ADGRL1: variants seen among roughly 807,000 people sequenced by gnomAD.
ADGRL1 encodes the protein adhesion G protein-coupled receptor L1, also known as CIRL-1.
A neutral mutation model predicts 148.9 loss-of-function variants in ADGRL1; 31 were observed. The ratio of observed to expected loss-of-function variants is 0.21; its 90% confidence interval spans 0.16 to 0.28. The LOEUF is 0.28. ADGRL1 is among the 10% of genes least tolerant of loss of function. ADGRL1 has a pLI of 1.00. For synonymous variants in ADGRL1, 937 were observed against 900.3 expected (o/e 1.04, Z -0.73); for missense variants, 1,521 against 2,058.8 (o/e 0.74, Z 5.05).
chr19:14,178,791 C>T (rs1201041847), intron 2 of ADGRL1, among the ~76,000 whole-genome samples: 2 of 152,104 alleles, frequency 1.3e-5, no homozygotes, highest in East Asian at 3.9e-4. Context: ...GGATTATGGG[C>T]CTGAGTCCTC....
chr19:14,160,560 A>G lies in ADGRL1; in HGVS notation c.1614+33T>C, dbSNP rs199589318. Reference sequence around the variant, plus strand: ...GGCCCTGGGCCCTGGGCCCGAGCACATGTGCCTGCCTGCGAGGGGTGGTGG... The same window carrying G: ...GGCCCTGGGCCCTGGGCCCGAGCACGTGTGCCTGCCTGCGAGGGGTGGTGG... On this transcript the variant is annotated intron_variant, in intron 7 of 22. Coordinates refer to ENST00000361434, the MANE Select transcript of ADGRL1 (RefSeq NM_014921.5). This position sits in a 1 kb window ranked among gnomAD's most constrained non-coding sequence, Gnocchi z 5.9. 1.4e-4 allele frequency: 214 copies of G among 1,494,886 alleles called. No individual in the cohort carries two copies. Among genetic ancestry groups the G allele is most frequent in the Non-Finnish European group, 1.9e-4 (212 of 1,095,776 alleles). 92.6% of individuals were successfully genotyped at this position (1,494,886 alleles called of 1,614,324 possible).
Position 14,161,260 on chromosome 19 carries a change from C to G in ADGRL1, c.1510+52G>C. ...CACCCACACATGCATCTGTGCTAAG[C>G]TGCTGGGGGCATGGCCCCCATCCCT... On this transcript the variant is annotated intron_variant, in intron 6 of 22. Coordinates refer to ENST00000361434, the MANE Select transcript of ADGRL1 (RefSeq NM_014921.5). The surrounding 1 kb of genome is among the most constrained non-coding windows in gnomAD (Gnocchi z 4.4). 4.7e-6 allele frequency: 7 copies of G among 1,479,584 alleles called. No homozygotes were observed. Among genetic ancestry groups the G allele is most frequent in the Admixed American group, 2.3e-5 (1 of 43,058 alleles). The allele number at this position is 1,479,584 out of a possible 1,614,324, so 91.7% of individuals were successfully genotyped here.
intron 1 of ADGRL1, among the ~76,000 whole-genome samples, chr19:14,184,414 GT>G (rs530112010): frequency 4.0e-5 from 6 of 148,220 alleles, no homozygotes; most frequent in Non-Finnish European, 6.0e-5. Flanking sequence ...CAGCGGCTCA[GT>G]TTTTTTTTTC....
chr19:14,202,769 GCA>G (rs564681250), intron 1 of ADGRL1, among the ~76,000 whole-genome samples: 155 of 152,236 alleles, frequency 1.0e-3, no homozygotes, highest in Non-Finnish European at 1.7e-3. Context: ...CCCCATGTGT[GCA>G]CACAGACAGC....
At chr19:14,193,998 T>C (rs977318884) in intron 1 of ADGRL1, among the ~76,000 whole-genome samples, 69 of 152,168 alleles carry the variant, frequency 4.5e-4, no homozygotes, top group Non-Finnish European at 4.6e-4. Context: ...TCCCAGCACT[T>C]TGGGAGGCCA....
intron 1 of ADGRL1, among the ~76,000 whole-genome samples, chr19:14,192,076 C>T (rs1447661772): frequency 6.6e-6 from 1 of 152,122 alleles, no homozygotes; most frequent in African/African-American, 2.4e-5. Flanking sequence ...TTAACTACCT[C>T]CCTCAAGGGC....
chr19:14,174,534 C>CT lies in ADGRL1; in HGVS notation c.284+2996_284+2997insA, dbSNP rs1445557543. 7.4e-4 allele frequency among the ~76,000 whole-genome samples: 106 copies of CT among 142,630 alleles called. 3 individuals are homozygous for CT. Among genetic ancestry groups the CT allele is most frequent in the Admixed American group, 1.6e-3 (22 of 13,780 alleles). The allele number at this position is 142,630 out of a possible 152,430, so 93.6% of individuals were successfully genotyped here. On this transcript the variant is annotated intron_variant, in intron 3 of 22. Transcript: ENST00000361434. ...GACCCGCTCCTCCCCTGGTAACACA[C>CT]ATTTTTTTTTTTTTTTTTTGAGACA...
chr19:14,154,760 G>A (rs184054661), intron 18 of ADGRL1, among the ~76,000 whole-genome samples: 1,730 of 151,804 alleles, frequency 0.011, 30 homozygotes, highest in African/African-American at 0.032. Flanking sequence ...GACTACAGGC[G>A]CCCACCACCA....
intron 1 of ADGRL1, among the ~76,000 whole-genome samples, chr19:14,197,458 C>T (rs62122141): frequency 0.17 from 26,130 of 151,834 alleles, 2,713 homozygotes; most frequent in East Asian, 0.4. Flanking sequence ...AATGGAAATC[C>T]AATTACACCC....
chr19:14,153,582 ATT>A lies in ADGRL1; in HGVS notation c.3295-672_3295-671del, dbSNP rs34163270. On this transcript the variant is annotated intron_variant, in intron 18 of 22. Coordinates refer to ENST00000361434, the MANE Select transcript of ADGRL1 (RefSeq NM_014921.5). Reference sequence around the variant, plus strand: ...AGGCGCACACCACCACACCTGGCTAATTTTTTTTTTTTTTTTTGTATTTTTAG... The same window carrying A: ...AGGCGCACACCACCACACCTGGCTAATTTTTTTTTTTTTTTGTATTTTTAG... Among the ~76,000 whole-genome samples the A allele has an allele frequency of 1.5e-3, 187 of 128,378 alleles. 1 individual carries two copies. Among genetic ancestry groups the A allele is most frequent in the African/African-American group, 3.1e-3 (104 of 33,084 alleles). The allele number at this position is 128,378 out of a possible 152,430, so 84.2% of individuals were successfully genotyped here.
In ADGRL1 at chr19:14,163,354, G is replaced by C; in HGVS notation, c.447C>G (p.His149Gln). The change falls in exon 5 of 23, where the codon CAC becomes CAG. Residue 149 changes from histidine to glutamine, a missense_variant. This residue lies in a region of ADGRL1 where 334 missense variants were observed against 512.5 expected (regional missense o/e 0.65). Coordinates refer to ENST00000361434, the MANE Select transcript of ADGRL1 (RefSeq NM_014921.5). ...ATGCGCCAGACTGGTGCTCTGACTC[G>C]TGTGTCGAGGTGGGCTCCAGCACCT... ...LQKVLEPTST[H>Q]ESEHQSGAWC... is the part of the protein sequence containing the mutation. 1 of 1,600,274 alleles carries C rather than the reference G, an allele frequency of 6.2e-7. No individual in the cohort carries two copies. Among genetic ancestry groups the C allele is most frequent in the South Asian group, 1.1e-5 (1 of 89,896 alleles).
At position 14,163,000 on chromosome 19, in the gene ADGRL1, C is replaced by T; in HGVS notation, c.801G>A (p.Val267=). Residue 267 remains valine (V), a synonymous_variant, in exon 5 of 23, where the codon GTG becomes GTA. Transcript: ENST00000361434. The surrounding 1 kb of genome is among the most constrained non-coding windows in gnomAD (Gnocchi z 5.4). ...WGGKTDIDLA[V]DENGLWVIYA... ...AGATGACCCACAGCCCGTTCTCGTCCACCGCCAGGTCAATGTCGGTCTTTC... is the reference window on the plus strand; with the variant it reads ...AGATGACCCACAGCCCGTTCTCGTCTACCGCCAGGTCAATGTCGGTCTTTC... The T allele has an allele frequency of 6.2e-7, 1 of 1,614,066 alleles. No homozygotes were observed. The highest frequency in any genetic ancestry group is 8.5e-7 in the Non-Finnish European group (1 of 1,180,018).
chr19:14,152,258 G>A lies in ADGRL1; in HGVS notation c.3649+51C>T, dbSNP rs1568564229. 3 of 1,611,596 alleles carry A rather than the reference G, an allele frequency of 1.9e-6. No individual in the cohort carries two copies. Among genetic ancestry groups the A allele is most frequent in the Non-Finnish European group, 1.7e-6 (2 of 1,178,262 alleles). On this transcript the variant is annotated intron_variant, in intron 21 of 22. Coordinates refer to ENST00000361434, the MANE Select transcript of ADGRL1 (RefSeq NM_014921.5). The surrounding 1 kb of genome is among the most constrained non-coding windows in gnomAD (Gnocchi z 6.1). ...GAACATCCCATGCAGAGGTCCCTTG[G>A]GACACAAACCCTCCATTTCCCAACC...
At chr19:14,180,902 G>T (rs1305693777) in intron 2 of ADGRL1, among the ~76,000 whole-genome samples, 4 of 151,990 alleles carry the variant, frequency 2.6e-5, no homozygotes, top group African/African-American at 9.7e-5. Flanking sequence ...GAGCAAATTA[G>T]CCGGGCGTGG....
At chr19:14,183,806 C>G (rs1971389528) in intron 1 of ADGRL1, 109 bp from the exon 2 acceptor site, 1 of 564,442 alleles carries the variant, frequency 1.8e-6, no homozygotes, top group Non-Finnish European at 3.1e-6. Context: ...GCACGTCCCT[C>G]GAGCCAGCCC....
At chr19:14,199,155 G>A (rs533364705) in intron 1 of ADGRL1, among the ~76,000 whole-genome samples, 11 of 152,292 alleles carry the variant, frequency 7.2e-5, no homozygotes, top group Non-Finnish European at 1.2e-4. Flanking sequence ...CAGGCTGTGC[G>A]CCGTCATGTC....
At chr19:14,176,168 G>T (rs1455408023) in intron 3 of ADGRL1, among the ~76,000 whole-genome samples, 1 of 151,652 alleles carries the variant, frequency 6.6e-6, no homozygotes, top group Non-Finnish European at 1.5e-5. Flanking sequence ...GGCCAAGATG[G>T]TGACACCCCG....
intron 2 of ADGRL1, 104 bp from the exon 3 acceptor site, chr19:14,177,848 GAAGCC>G (rs1970931536): frequency 6.9e-6 from 7 of 1,013,024 alleles, no homozygotes; most frequent in Non-Finnish European, 8.6e-6. Flanking sequence ...CTGTGTCCTG[GAAGCC>G]AGCTGAGGCA....
At chr19:14,196,211 A>G (rs905436699) in intron 1 of ADGRL1, among the ~76,000 whole-genome samples, 1 of 152,214 alleles carries the variant, frequency 6.6e-6, no homozygotes, top group East Asian at 1.9e-4. Flanking sequence ...TGTTTCCCCC[A>G]GGGCCACCAG....
Sources: allele counts gnomAD v4.1 joint callset (sites outside exome capture counted in the v4.1 genomes callset), GRCh38; gene constraint gnomAD v4.1.1; regional missense constraint gnomAD v4.1.1; non-coding constraint Gnocchi (gnomAD v3.1); transcripts MANE v1.5; gene names NCBI Gene and HGNC (gene_info 2026-07-23, HGNC 2026-07-21).